The following PRR5 variants were observed in gnomAD, a reference collection of about 807,000 sequenced individuals.
PRR5 encodes the protein proline rich 5.
PRR5 carries 25 observed loss-of-function variants against 30.6 expected under a neutral mutation model. The ratio of observed to expected loss-of-function variants is 0.82; its 90% CI spans 0.60 to 1.14. PRR5 has a LOEUF of 1.14. Among genes scored for constraint, PRR5 ranks in the 50% most tolerant of loss-of-function variants. The pLI is 0.00. For synonymous variants in PRR5, 286 were observed against 247.1 expected (o/e 1.16, Z -1.48); for missense variants, 600 against 547.1 (o/e 1.10, Z -0.96).
intron 1 of PRR5, among the ~76,000 whole-genome samples, chr22:44,704,010 C>T (rs1926792197): frequency 1.3e-5 from 2 of 152,234 alleles, no homozygotes; most frequent in Non-Finnish European, 2.9e-5. Context: ...TCTGCCTCTT[C>T]CCTACTCTGT....
At chr22:44,712,456 T>C (rs181851688) in intron 1 of PRR5, among the ~76,000 whole-genome samples, 14 of 152,172 alleles carry the variant, frequency 9.2e-5, no homozygotes, top group Non-Finnish European at 1.8e-4. Context: ...ACAGGGAGGA[T>C]AGGGAGACGG....
At chr22:44,680,214 C>A (rs757250486) in intron 1 of PRR5, among the ~76,000 whole-genome samples, 2 of 152,240 alleles carry the variant, frequency 1.3e-5, no homozygotes, top group African/African-American at 2.4e-5. Context: ...CCACCACTAT[C>A]CAGCTGTGCA....
intron 4 of PRR5, chr22:44,730,026 G>A (rs931598090): frequency 8.1e-6 from 8 of 985,422 alleles, no homozygotes; most frequent in Middle Eastern, 5.2e-4. Context: ...TGGGCTACCC[G>A]GGTGGGCAGA....
At chr22:44,705,514 G>A (rs1399329587) in intron 1 of PRR5, among the ~76,000 whole-genome samples, 3 of 151,890 alleles carry the variant, frequency 2.0e-5, no homozygotes, top group Non-Finnish European at 2.9e-5. Flanking sequence ...TAGTAGAGAC[G>A]GGGTTTTGCC....
At chr22:44,676,402 A>G (rs1221187351), upstream of PRR5, among the ~76,000 whole-genome samples, 1 of 150,214 alleles carries the variant, frequency 6.7e-6, no homozygotes, top group Non-Finnish European at 1.5e-5. Context: ...AAAAAAAAAA[A>G]AAAAAAAAAA....
At chr22:44,694,904 C>T (rs1925610838) in intron 1 of PRR5, among the ~76,000 whole-genome samples, 1 of 152,158 alleles carries the variant, frequency 6.6e-6, no homozygotes, top group Non-Finnish European at 1.5e-5. Flanking sequence ...GGTGCCGTGA[C>T]TCACACCTGT....
At chr22:44,724,515 G>T (rs1402884474) in intron 2 of PRR5, among the ~76,000 whole-genome samples, 3 of 152,226 alleles carry the variant, frequency 2.0e-5, no homozygotes, top group Non-Finnish European at 4.4e-5. Context: ...TCAGAAGACT[G>T]TTGGGAGGTC....
In PRR5 at chr22:44,731,900, G is replaced by A. The variant is rs557984340; in HGVS notation, c.414+79G>A. The A allele has an allele frequency of 4.6e-4, 658 of 1,421,192 alleles. 2 individuals are homozygous for A. The highest frequency in any genetic ancestry group is 7.0e-4 in the Middle Eastern group (3 of 4,270). 88.0% of individuals were successfully genotyped at this position (1,421,192 alleles called of 1,614,324 possible). A position where few individuals can be genotyped will look rare whatever the true frequency, so the allele number is the denominator to read the frequency against. On this transcript the variant is annotated intron_variant, in intron 5 of 7. Coordinates refer to ENST00000336985, the MANE Select transcript of PRR5 (RefSeq NM_181333.4). ...TGGCCTCACTCTACAGAGGGGGGCCGCCAGGCTTGGGGACACACACACCTG... is the reference window on the plus strand; with the variant it reads ...TGGCCTCACTCTACAGAGGGGGGCCACCAGGCTTGGGGACACACACACCTG...
chr22:44,737,411 AC>A lies in PRR5; in HGVS notation c.*166del. 2 of 1,343,682 alleles carry A rather than the reference AC, an allele frequency of 1.5e-6. No homozygotes were observed. The highest frequency in any genetic ancestry group is 2.6e-5 in the East Asian group (1 of 39,178). The allele number at this position is 1,343,682 out of a possible 1,614,324, so 83.2% of individuals were successfully genotyped here. On this transcript the variant is annotated 3_prime_UTR_variant, in exon 8 of 8. Coordinates refer to ENST00000336985, the MANE Select transcript of PRR5 (RefSeq NM_181333.4). Reference sequence around the variant, plus strand: ...TTGTATTTCTGTCTTGGTTGGAAATACCATCAGCCTTCCTTGCTCGGCCCAG... The same window carrying A: ...TTGTATTTCTGTCTTGGTTGGAAATACATCAGCCTTCCTTGCTCGGCCCAG...
chr22:44,682,700 G>A (rs116853096), intron 1 of PRR5, among the ~76,000 whole-genome samples: 2,155 of 152,308 alleles, frequency 0.014, 33 homozygotes, highest in South Asian at 0.063. Flanking sequence ...TCTCGACACG[G>A]GAATGTCGCA....
intron 1 of PRR5, among the ~76,000 whole-genome samples, chr22:44,703,584 T>C (rs1164357042): frequency 6.6e-6 from 1 of 152,202 alleles, no homozygotes; most frequent in African/African-American, 2.4e-5. Flanking sequence ...GCTAGAGGGC[T>C]GTCACATGCC....
intron 1 of PRR5, among the ~76,000 whole-genome samples, chr22:44,693,339 G>C (rs1925449022): frequency 6.6e-6 from 1 of 152,044 alleles, no homozygotes; most frequent in Non-Finnish European, 1.5e-5. Flanking sequence ...GCGTGTGCCT[G>C]TAGTCCTAGC....
intron 1 of PRR5, among the ~76,000 whole-genome samples, chr22:44,711,065 G>C (rs1928146529): frequency 6.6e-6 from 1 of 151,580 alleles, no homozygotes; most frequent in Admixed American, 6.6e-5. Flanking sequence ...CAGGGGTGGG[G>C]AGTGTGGGTG....
chr22:44,686,984 T>A (rs1924807851), intron 1 of PRR5, among the ~76,000 whole-genome samples: 1 of 152,202 alleles, frequency 6.6e-6, no homozygotes, highest in Non-Finnish European at 1.5e-5. Context: ...TCTCCTCCAA[T>A]GGTTTCTCGG....
intron 4 of PRR5, chr22:44,729,233 C>A (rs11914060): frequency 1.1e-6 from 1 of 872,596 alleles, no homozygotes; most frequent in Non-Finnish European, 1.4e-6. Context: ...GTCCACCCAG[C>A]GCGTGGCTTT....
chr22:44,678,194 C>T (rs558740317), intron 1 of PRR5, among the ~76,000 whole-genome samples: 3 of 152,162 alleles, frequency 2.0e-5, no homozygotes, highest in Non-Finnish European at 4.4e-5. Flanking sequence ...CACCCGCTCA[C>T]CACCTGCCCG....
chr22:44,693,960 T>A (rs1358761596), intron 1 of PRR5, among the ~76,000 whole-genome samples: 1 of 152,068 alleles, frequency 6.6e-6, no homozygotes, highest in African/African-American at 2.4e-5. Context: ...CATCAGTCAC[T>A]GGATTTAGGG....
chr22:44,722,694 A>T (rs1453414835), intron 2 of PRR5, among the ~76,000 whole-genome samples: 1 of 152,236 alleles, frequency 6.6e-6, no homozygotes, highest in Non-Finnish European at 1.5e-5. Context: ...TGTTTATTGC[A>T]TCTCCACCAG....
At chr22:44,669,654 G>A (rs1923310701) in intron 1 of PRR5, among the ~76,000 whole-genome samples, 1 of 152,224 alleles carries the variant, frequency 6.6e-6, no homozygotes, top group African/African-American at 2.4e-5. Flanking sequence ...AAGGCTGGGG[G>A]AGGGTCCCAT....
Sources: allele counts gnomAD v4.1 joint callset (sites outside exome capture counted in the v4.1 genomes callset), GRCh38; gene constraint gnomAD v4.1.1; transcripts MANE v1.5; gene names NCBI Gene and HGNC (gene_info 2026-07-23, HGNC 2026-07-21).